Variants in BCLAF3 observed in about 807,000 individuals in gnomAD.
BCLAF3 encodes BCLAF1 and THRAP3 family member 3.
In BCLAF3, 24 loss-of-function variants were observed where a neutral mutation model predicts 51.2. The observed-to-expected ratio is 0.47, with a 90% CI of 0.34 to 0.66. BCLAF3 has a LOEUF of 0.66. Among genes scored for constraint, BCLAF3 ranks in the 30% least tolerant of loss-of-function variants. BCLAF3 has a pLI of 0.01. For synonymous variants in BCLAF3, 152 were observed against 176.6 expected (o/e 0.86, Z 1.10); for missense variants, 465 against 525.1 (o/e 0.89, Z 1.12).
intron 4 of BCLAF3, 113 bp from the exon 5 acceptor site, chrX:19,955,679 T>G (rs1426986351): frequency 5.2e-6 from 3 of 580,559 alleles, no homozygotes; most frequent in Non-Finnish European, 7.6e-6. Flanking sequence ...TTTCTTATAA[T>G]TAAGGCACTA....
rs1266751521 is a variant in BCLAF3 at position 19,991,030 on chromosome X, G to A, written c.-157C>T. Among the ~76,000 whole-genome samples, 1 of 107,247 alleles carries A rather than the reference G, an allele frequency of 9.3e-6. No homozygotes were observed. Among genetic ancestry groups the A allele is most frequent in the African/African-American group, 3.4e-5 (1 of 29,584 alleles). 93.1% of individuals were successfully genotyped at this position (107,247 alleles called of 115,157 possible). A position where few individuals can be genotyped will look rare whatever the true frequency, so the allele number is the denominator to read the frequency against. On this transcript the variant is annotated 5_prime_UTR_variant, in exon 1 of 12. Coordinates refer to ENST00000379682, the MANE Select transcript of BCLAF3 (RefSeq NM_001367774.2). Reference sequence around the variant, plus strand: ...CGCCTCCCACAGCAGCGACACCCCAGCCACCTCTGCCGGGCCGCGGGACCC... The same window carrying A: ...CGCCTCCCACAGCAGCGACACCCCAACCACCTCTGCCGGGCCGCGGGACCC...
Position 19,940,276 on chromosome X carries a change from A to T in BCLAF3, c.1746-2744T>A, listed in dbSNP as rs182718345. 5.4e-3 allele frequency among the ~76,000 whole-genome samples: 547 copies of T among 101,382 alleles called. 6 individuals are homozygous for T. Among genetic ancestry groups the T allele is most frequent in the East Asian group, 0.013 (43 of 3,252 alleles). The allele number at this position is 101,382 out of a possible 115,157, so 88.0% of individuals were successfully genotyped here. A position where few individuals can be genotyped will look rare whatever the true frequency, so the allele number is the denominator to read the frequency against. ...GTCTTTATTTTTTATTTATTTATTT[A>T]TTTTTTTTTTTTTATTATACTTTAA... On this transcript the variant is annotated intron_variant, in intron 8 of 11. Coordinates refer to ENST00000379682, the MANE Select transcript of BCLAF3 (RefSeq NM_001367774.2).
intron 2 of BCLAF3, among the ~76,000 whole-genome samples, chrX:19,968,511 C>T (rs2072135842): frequency 8.8e-6 from 1 of 113,011 alleles, no homozygotes; most frequent in Non-Finnish European, 1.9e-5. Context: ...GTATGGAAAG[C>T]TCGCTGCCTC....
chrX:19,961,439 T>C (rs765698187), intron 4 of BCLAF3, among the ~76,000 whole-genome samples: 18 of 111,978 alleles, frequency 1.6e-4, no homozygotes, highest in Non-Finnish European at 1.7e-4. Flanking sequence ...ATACTGACAA[T>C]TGGAAGAACA....
chrX:19,970,625 G>A (rs889977105), intron 1 of BCLAF3, among the ~76,000 whole-genome samples: 5 of 111,257 alleles, frequency 4.5e-5, no homozygotes, highest in Non-Finnish European at 9.4e-5. Flanking sequence ...GAGATGTGTC[G>A]TAAGTGTAAA....
In BCLAF3 at chrX:19,915,160, C is replaced by A. The variant is rs2069907914; in HGVS notation, c.*2145G>T. Reference sequence around the variant, plus strand: ...TCTTATGCATTCAAGAAGTCAAATTCTTTCCAGTCAATAAAAAATGCTATG... The same window carrying A: ...TCTTATGCATTCAAGAAGTCAAATTATTTCCAGTCAATAAAAAATGCTATG... On this transcript the variant is annotated 3_prime_UTR_variant, in exon 12 of 12. Transcript: ENST00000379682. 1.8e-5 allele frequency: 2 copies of A among 111,246 alleles called. No individual in the cohort carries two copies. The highest frequency in any genetic ancestry group is 3.3e-5 in the African/African-American group (1 of 30,751). The allele number at this position is 111,246 out of a possible 1,213,427, so 9.2% of individuals were successfully genotyped here.
At chrX:19,918,695 C>A (rs2070018782) in intron 11 of BCLAF3, among the ~76,000 whole-genome samples, 1 of 107,714 alleles carries the variant, frequency 9.3e-6, no homozygotes, top group Non-Finnish European at 1.9e-5. Context: ...CACATGCTAC[C>A]ACGCTCAGCT....
intron 7 of BCLAF3, 61 bp downstream of exon 7, chrX:19,952,927 C>A: frequency 3.3e-6 from 3 of 915,466 alleles, no homozygotes; most frequent in South Asian, 2.3e-5. Flanking sequence ...AACCACCAAG[C>A]CCCTTGCCGT....
intron 1 of BCLAF3, among the ~76,000 whole-genome samples, chrX:19,974,916 T>C (rs376032676): frequency 1.8e-5 from 2 of 111,361 alleles, no homozygotes; most frequent in Admixed American, 9.5e-5. Context: ...TTCAAACTAT[T>C]CATTCAAAGA....
At chrX:19,982,062 A>G (rs1394198358) in intron 1 of BCLAF3, among the ~76,000 whole-genome samples, 1 of 112,379 alleles carries the variant, frequency 8.9e-6, no homozygotes, top group Admixed American at 9.5e-5. Flanking sequence ...ACAGAAAAAA[A>G]ATCAACTGAC....
intron 10 of BCLAF3, among the ~76,000 whole-genome samples, chrX:19,933,148 G>A (rs1458658279): frequency 8.9e-6 from 1 of 111,952 alleles, no homozygotes; most frequent in Non-Finnish European, 1.9e-5. Flanking sequence ...GGAAGAACTG[G>A]CTGTAGCAAG....
At chrX:19,989,923 TA>T (rs921955948) in intron 1 of BCLAF3, among the ~76,000 whole-genome samples, 43 of 110,928 alleles carry the variant, frequency 3.9e-4, no homozygotes, top group Non-Finnish European at 6.8e-4. Context: ...AGTAGCCATT[TA>T]AAAAAAACAT....
intron 8 of BCLAF3, among the ~76,000 whole-genome samples, chrX:19,939,373 C>G (rs2070907321): frequency 8.9e-6 from 1 of 111,961 alleles, no homozygotes; most frequent in South Asian, 3.6e-4. Flanking sequence ...AAGCATATAT[C>G]TGATGAGGGA....
At chrX:19,954,090 C>T in intron 5 of BCLAF3, 198 bp from the exon 6 acceptor site, 2 of 752,420 alleles carry the variant, frequency 2.7e-6, no homozygotes, top group Non-Finnish European at 1.6e-6. Flanking sequence ...AGTAAAAACA[C>T]CTGATTTATT....
In BCLAF3 at chrX:19,913,498, C is replaced by T. The variant is rs2069855808; in HGVS notation, c.*3807G>A. On this transcript the variant is annotated 3_prime_UTR_variant, in exon 12 of 12. Coordinates refer to ENST00000379682, the MANE Select transcript of BCLAF3 (RefSeq NM_001367774.2). ...TTGGTTCCTAAAAGGGATAAATAAG[C>T]CAGTTATTCTCAAACTCAAGTATGT... The T allele has an allele frequency of 8.9e-6, 1 of 112,604 alleles. No individual in the cohort carries two copies. The highest frequency in any genetic ancestry group is 9.4e-5 in the Admixed American group (1 of 10,620). The allele number at this position is 112,604 out of a possible 1,213,427, so 9.3% of individuals were successfully genotyped here.
At chrX:19,936,002 C>T in intron 9 of BCLAF3, 104 bp from the exon 10 acceptor site, 1 of 662,176 alleles carries the variant, frequency 1.5e-6, no homozygotes, top group Non-Finnish European at 2.4e-6. Context: ...GGATTAAGAA[C>T]ACAAAGCAGG....
At chrX:19,984,779 A>G (rs1277670196) in intron 1 of BCLAF3, among the ~76,000 whole-genome samples, 6 of 109,727 alleles carry the variant, frequency 5.5e-5, no homozygotes, top group African/African-American at 1.0e-4. Flanking sequence ...TCCGCCTCCC[A>G]GGTTCAAGTG....
chrX:19,948,773 CAA>C (rs774401751), intron 8 of BCLAF3, among the ~76,000 whole-genome samples: 3 of 71,668 alleles, frequency 4.2e-5, no homozygotes, highest in African/African-American at 4.8e-5. Flanking sequence ...GATCCTGTCT[CAA>C]AAAAAAAAAA....
intron 1 of BCLAF3, among the ~76,000 whole-genome samples, chrX:19,990,090 G>A (rs1393604120): frequency 9.5e-6 from 1 of 105,726 alleles, no homozygotes; most frequent in African/African-American, 3.5e-5. Context: ...GCCTGGCGAG[G>A]AGCCTAAAGA....
Sources: gnomAD v4.1 joint callset for allele counts (sites outside exome capture counted in the v4.1 genomes callset) on GRCh38, gnomAD v4.1.1 for gene constraint, MANE v1.5 for transcripts, NCBI Gene and HGNC (gene_info 2026-07-23, HGNC 2026-07-21) for gene names.